PRH1: variants seen among roughly 807,000 people sequenced by gnomAD.
PRH1 encodes proline rich protein HaeIII subfamily 1.
PRH1 carries 7 observed loss-of-function variants against 7.9 expected under a neutral mutation model. The ratio of observed to expected loss-of-function variants is 0.89; its 90% CI spans 0.50 to 1.67. The LOEUF is 1.67. PRH1 is among the 40% of genes most tolerant of loss of function. PRH1 has a pLI of 0.00. For synonymous variants in PRH1, 45 were observed against 80.8 expected (o/e 0.56, Z 2.38); for missense variants, 109 against 223.6 (o/e 0.49, Z 3.27).
chr12:11,106,767 T>G (rs1285125825), intron 1 of PRH1, among the ~76,000 whole-genome samples: 1 of 152,194 alleles, frequency 6.6e-6, no homozygotes, highest in African/African-American at 2.4e-5. Flanking sequence ...AAAGCAGATT[T>G]TCTGCTTCAA....
rs1422778156 is a variant in PRH1, at chr12:10,959,144, AAG to A, written c.-59+14509_-59+14510del. 2.0e-5 allele frequency among the ~76,000 whole-genome samples: 3 copies of A among 152,164 alleles called. No homozygotes were observed. The South Asian group carries it at 6.2e-4, about 31-fold the overall frequency. On this transcript the variant is annotated intron_variant, in intron 2 of 3. Coordinates refer to the PRH1 transcript ENST00000539853. ...CTGATGCCTTAAAGATAGGTTCTGA[AAG>A]AGAGAAAATATTGACTCCATTTTTT...
intron 1 of PRH1, among the ~76,000 whole-genome samples, chr12:11,130,412 T>A (rs1225633489): frequency 7.9e-5 from 12 of 152,094 alleles, no homozygotes; most frequent in Non-Finnish European, 2.9e-5. Flanking sequence ...AAAGAGACAC[T>A]ATGTTTTGGG....
intron 1 of PRH1, among the ~76,000 whole-genome samples, chr12:11,028,168 C>A (rs1942011108): frequency 6.6e-6 from 1 of 152,194 alleles, no homozygotes; most frequent in Non-Finnish European, 1.5e-5. Context: ...ACTTTCATGA[C>A]CACCACCAAG....
At chr12:10,966,287 T>G (rs150498864) in intron 2 of PRH1, among the ~76,000 whole-genome samples, 27 of 152,338 alleles carry the variant, frequency 1.8e-4, no homozygotes, top group Middle Eastern at 3.4e-3. Flanking sequence ...TTATTTGACA[T>G]ATAATCTTGC....
intron 2 of PRH1, among the ~76,000 whole-genome samples, chr12:10,901,220 T>A (rs368474088): frequency 4.6e-5 from 7 of 152,306 alleles, no homozygotes; most frequent in Admixed American, 2.0e-4. Flanking sequence ...TTAAGAAGCC[T>A]GAGTCACCCC....
intron 2 of PRH1, among the ~76,000 whole-genome samples, chr12:10,913,923 T>C (rs1189243332): frequency 6.6e-6 from 1 of 152,210 alleles, no homozygotes; most frequent in Non-Finnish European, 1.5e-5. Context: ...AAACTTCTCC[T>C]ACGTGGAGTC....
intron 2 of PRH1, among the ~76,000 whole-genome samples, chr12:10,909,986 C>G (rs1949871701): frequency 6.6e-6 from 1 of 152,192 alleles, no homozygotes; most frequent in African/African-American, 2.4e-5. Flanking sequence ...CACATTTTAT[C>G]CGCTTTTCCC....
intron 1 of PRH1, among the ~76,000 whole-genome samples, chr12:10,985,165 G>C (rs189395952): frequency 6.6e-6 from 1 of 151,948 alleles, no homozygotes; most frequent in Non-Finnish European, 1.5e-5. Flanking sequence ...TTTTCTAACT[G>C]CATGTTGAGA....
intron 1 of PRH1, chr12:11,022,114 A>T: frequency 1.2e-6 from 2 of 1,613,736 alleles, no homozygotes; most frequent in Non-Finnish European, 1.7e-6. Context: ...TTTTGTCCAC[A>T]CTCTCTCATC....
chr12:11,135,887 GTAA>G lies in PRH1; in HGVS notation n.40-14710_40-14708del, dbSNP rs537623621. Among the ~76,000 whole-genome samples, 225 of 152,134 alleles carry G rather than the reference GTAA, an allele frequency of 1.5e-3. 2 individuals are homozygous for G. Among genetic ancestry groups the G allele is most frequent in the Middle Eastern group, 6.8e-3 (2 of 294 alleles). Reference sequence around the variant, plus strand: ...TTCCCCTCAGTATATAATGAGACGAGTAATAATAATTTCTATGAGACGTTTCTC... The same window carrying G: ...TTCCCCTCAGTATATAATGAGACGAGTAATAATTTCTATGAGACGTTTCTC... On this transcript the variant is annotated intron_variant and non_coding_transcript_variant, in intron 1 of 1. Transcript: ENST00000541175.
intron 1 of PRH1, among the ~76,000 whole-genome samples, chr12:11,140,550 G>C (rs958702198): frequency 6.6e-6 from 1 of 152,104 alleles, no homozygotes; most frequent in Non-Finnish European, 1.5e-5. Context: ...ATCTCAATAT[G>C]CTAATGGATG....
At chr12:10,931,782 A>C (rs1419290988) in intron 2 of PRH1, among the ~76,000 whole-genome samples, 1 of 151,672 alleles carries the variant, frequency 6.6e-6, no homozygotes, top group African/African-American at 2.4e-5. Context: ...TAGCTTTCAC[A>C]TGAGTTTATT....
chr12:11,133,847 A>G (rs1318292407), intron 1 of PRH1: 9 of 1,614,170 alleles, frequency 5.6e-6, no homozygotes, highest in Non-Finnish European at 7.6e-6. Context: ...AGGCCCCAAC[A>G]GTATCACCAG....
chr12:10,895,051 GC>G (rs1336190283), intron 2 of PRH1: 1 of 152,158 alleles, frequency 6.6e-6, no homozygotes, highest in Non-Finnish European at 1.5e-5. Context: ...GAAATGAATG[GC>G]CAGATGGATG....
intron 2 of PRH1, among the ~76,000 whole-genome samples, chr12:10,955,607 TA>T (rs1401365582): frequency 5.9e-5 from 9 of 151,620 alleles, no homozygotes; most frequent in Non-Finnish European, 1.0e-4. Flanking sequence ...AAATTGTGAT[TA>T]AAAAAAACAT....
intron 2 of PRH1, among the ~76,000 whole-genome samples, chr12:10,945,964 G>T (rs1950480655): frequency 6.6e-6 from 1 of 152,158 alleles, no homozygotes; most frequent in South Asian, 2.1e-4. Flanking sequence ...AGAGGTTAAG[G>T]TTATCTCCCT....
At chr12:11,134,218 A>T in intron 1 of PRH1, 1 of 1,613,224 alleles carries the variant, frequency 6.2e-7, no homozygotes, top group Non-Finnish European at 8.5e-7. Flanking sequence ...TTAGAATGGA[A>T]AAAATGATGG....
At chr12:10,925,777 A>G (rs1335354586) in intron 2 of PRH1, among the ~76,000 whole-genome samples, 2 of 152,200 alleles carry the variant, frequency 1.3e-5, no homozygotes, top group Admixed American at 6.5e-5. Flanking sequence ...ATTCCTTCTC[A>G]TATTGTAATA....
chr12:10,985,108 C>T (rs1424355701), intron 1 of PRH1, among the ~76,000 whole-genome samples: 1 of 151,842 alleles, frequency 6.6e-6, no homozygotes, highest in African/African-American at 2.4e-5. Context: ...CATCAGATCT[C>T]AACTTCAAAA....
Sources: allele counts gnomAD v4.1 joint callset (sites outside exome capture counted in the v4.1 genomes callset), GRCh38; gene constraint gnomAD v4.1.1; transcripts MANE v1.5; gene names NCBI Gene and HGNC (gene_info 2026-07-23, HGNC 2026-07-21).